Variants in GRID2IP observed in about 807,000 individuals in gnomAD.
GRID2IP encodes delphilin.
Under a neutral mutation model 114.3 loss-of-function variants are expected in GRID2IP, and 78 were observed. The ratio of observed to expected loss-of-function variants is 0.68; its 90% CI spans 0.57 to 0.82. The LOEUF is 0.82. Ranked by LOEUF, GRID2IP falls within the 40% of genes least tolerant of loss-of-function variation. The pLI is 0.00. For synonymous variants in GRID2IP, 809 were observed against 724.0 expected (o/e 1.12, Z -1.89); for missense variants, 1,727 against 1,678.5 (o/e 1.03, Z -0.51).
intron 21 of GRID2IP, 89 bp from the exon 22 acceptor site, chr7:6,497,934 T>G: frequency 7.1e-7 from 1 of 1,406,402 alleles, no homozygotes; most frequent in South Asian, 1.3e-5. Context: ...AGACAGCCCA[T>G]CAGGGGGTTA....
At chr7:6,501,305 C>A (rs6463569) in intron 20 of GRID2IP, among the ~76,000 whole-genome samples, 33,541 of 152,018 alleles carry the variant, frequency 0.22, 3,885 homozygotes, top group African/African-American at 0.29. Context: ...GAGCCAAGAT[C>A]GTGCAACTGC....
At position 6,521,244 on chromosome 7, in the gene GRID2IP, T is replaced by C. The variant is rs1216022503; in HGVS notation, c.1084+185A>G. ...CCTTGGCCTCCCAAAGTGCTGGGAT[T>C]CCAGGCATGAGCCACCATGCCCAGC... On this transcript the variant is annotated intron_variant, in intron 6 of 21. Transcript: ENST00000457091. The surrounding 1 kb of genome is among the most constrained non-coding windows in gnomAD (Gnocchi z 4.1). Among the ~76,000 whole-genome samples, 1 of 152,162 alleles carries C rather than the reference T, an allele frequency of 6.6e-6. No individual in the cohort carries two copies. Among genetic ancestry groups the C allele is most frequent in the Non-Finnish European group, 1.5e-5 (1 of 68,014 alleles).
In GRID2IP at chr7:6,521,847, C is replaced by A. The variant is rs1381998990; in HGVS notation, c.989+41G>T. 1.4e-6 allele frequency: 2 copies of A among 1,430,662 alleles called. No homozygotes were observed. The highest frequency in any genetic ancestry group is 1.9e-6 in the Non-Finnish European group (2 of 1,037,366). 88.6% of individuals were successfully genotyped at this position (1,430,662 alleles called of 1,614,324 possible). On this transcript the variant is annotated intron_variant, in intron 5 of 21. Transcript: ENST00000457091. The surrounding 1 kb of genome is among the most constrained non-coding windows in gnomAD (Gnocchi z 4.1). ...GCAGGAGTCTTGCAGGGGGTGGGGG[C>A]AGCTCCTCACCAACCCCTGGTGTCC... is the stretch of plus-strand genomic sequence containing the variant.
At chr7:6,550,165 A>AT (rs905214258) in intron 1 of GRID2IP, among the ~76,000 whole-genome samples, 31 of 150,396 alleles carry the variant, frequency 2.1e-4, no homozygotes, top group African/African-American at 7.1e-4. Context: ...CTAGTTTTTG[A>AT]TTTTTTTTGT....
intron 1 of GRID2IP, among the ~76,000 whole-genome samples, chr7:6,540,785 G>A (rs967197744): frequency 1.2e-4 from 18 of 148,388 alleles, no homozygotes; most frequent in African/African-American, 3.8e-4. Flanking sequence ...CCCACCTTGG[G>A]CTCCCAAAGT....
At position 6,505,797 on chromosome 7, in the gene GRID2IP, C is replaced by T. The variant is rs138078253; in HGVS notation, c.2632+23G>A. The T allele has an allele frequency of 2.5e-4, 380 of 1,514,212 alleles. 2 individuals are homozygous for T. The Middle Eastern group carries it at 8.3e-3, about 33-fold the overall frequency. 93.8% of individuals were successfully genotyped at this position (1,514,212 alleles called of 1,614,324 possible). On this transcript the variant is annotated intron_variant, in intron 14 of 21. Coordinates refer to ENST00000457091, the MANE Select transcript of GRID2IP (RefSeq NM_001145118.2). The stretch of plus-strand genomic sequence containing the variant: ...CAGATGGTGTGGTATCTGGGGTTCC[C>T]CCAAGGCCATCAGGCCACTCACTAG...
chr7:6,533,654 G>GC lies in GRID2IP; in HGVS notation c.584+6063dup, dbSNP rs1408571037. Among the ~76,000 whole-genome samples, 38 of 150,238 alleles carry GC rather than the reference G, an allele frequency of 2.5e-4. 1 individual carries two copies. In the East Asian group the frequency reaches 6.8e-3, roughly 27 times the overall value. ...GCTAGGATTACAGGCAGGCACCACT[G>GC]CCCCCAGCTCATTTTTAAACTTTTT... On this transcript the variant is annotated intron_variant, in intron 2 of 21. Coordinates refer to ENST00000457091, the MANE Select transcript of GRID2IP (RefSeq NM_001145118.2).
intron 7 of GRID2IP, among the ~76,000 whole-genome samples, chr7:6,515,120 T>C (rs1372943652): frequency 6.6e-6 from 1 of 151,994 alleles, no homozygotes; most frequent in East Asian, 1.9e-4. Flanking sequence ...ATTTGTAAAA[T>C]GGGGATAAAA....
intron 1 of GRID2IP, among the ~76,000 whole-genome samples, 186 bp from the exon 2 acceptor site, chr7:6,540,058 T>C (rs12114012): frequency 4.6e-5 from 7 of 151,332 alleles, no homozygotes; most frequent in Non-Finnish European, 8.8e-5. Context: ...TTCCTTCCTT[T>C]CTTCCTTCCT....
chr7:6,499,457 GTC>G (rs1253184729), intron 20 of GRID2IP, among the ~76,000 whole-genome samples: 1 of 152,200 alleles, frequency 6.6e-6, no homozygotes, highest in Non-Finnish European at 1.5e-5. Context: ...TTGAGACAGA[GTC>G]TCGCTCTGTT....
chr7:6,498,034 A>T (rs1442293637), intron 21 of GRID2IP, 30 bp downstream of exon 21: 8 of 1,511,536 alleles, frequency 5.3e-6, no homozygotes, highest in Non-Finnish European at 7.1e-6. Context: ...CCTCTCCAAA[A>T]GGGCCCCTCA....
intron 21 of GRID2IP, 53 bp from the exon 22 acceptor site, chr7:6,497,898 ACG>A: frequency 1.3e-6 from 2 of 1,482,610 alleles, no homozygotes; most frequent in Non-Finnish European, 1.8e-6. Flanking sequence ...GGAACCTGTG[ACG>A]CCTTCCCTGT....
intron 1 of GRID2IP, among the ~76,000 whole-genome samples, chr7:6,546,171 C>A (rs571902001): frequency 1.3e-5 from 2 of 151,842 alleles, no homozygotes; most frequent in African/African-American, 4.8e-5. Flanking sequence ...GATTGAAAAC[C>A]AACCAGTCTG....
Position 6,514,528 on chromosome 7 carries a change from TC to T in GRID2IP, c.1269del (p.Asn424ThrfsTer29). ...ACGTCAACGATGAGGGTGTCGATGT[TC>T]CTGGGGGAAGGTGCAGGAATGTGAG... ...CRALESFFQH[R>X]NIDTLIVDVY... On this transcript the variant is annotated frameshift_variant and splice_region_variant, in exon 8 of 22. Transcript: ENST00000457091. LOFTEE classifies it high-confidence loss of function. The T allele has an allele frequency of 6.6e-7, 1 of 1,516,968 alleles. No homozygotes were observed. Among genetic ancestry groups the T allele is most frequent in the Non-Finnish European group, 8.9e-7 (1 of 1,128,488 alleles). 94.0% of individuals were successfully genotyped at this position (1,516,968 alleles called of 1,614,324 possible).
chr7:6,539,634 G>T, intron 2 of GRID2IP, 84 bp downstream of exon 2: 2 of 1,294,444 alleles, frequency 1.5e-6, no homozygotes, highest in South Asian at 1.5e-5. Flanking sequence ...TGGGCTGGAA[G>T]GGGTGCCTGG....
intron 8 of GRID2IP, among the ~76,000 whole-genome samples, chr7:6,514,068 A>G (rs1036259462): frequency 6.6e-6 from 1 of 152,030 alleles, no homozygotes; most frequent in African/African-American, 2.4e-5. Context: ...CATGGTTAAC[A>G]TGGTGAAACC....
intron 2 of GRID2IP, among the ~76,000 whole-genome samples, chr7:6,538,521 C>G (rs546691123): frequency 6.7e-6 from 1 of 149,778 alleles, no homozygotes; most frequent in South Asian, 2.1e-4. Flanking sequence ...GAGCCAAGAT[C>G]ATGGCACTGC....
intron 2 of GRID2IP, among the ~76,000 whole-genome samples, chr7:6,531,707 G>C (rs921536418): frequency 1.1e-4 from 17 of 152,208 alleles, no homozygotes; most frequent in Non-Finnish European, 2.5e-4. Context: ...GGGAGGCTTT[G>C]AATGCCGTGG....
chr7:6,510,457 T>A (rs753832350), intron 10 of GRID2IP, 57 bp from the exon 11 acceptor site: 213 of 1,403,776 alleles, frequency 1.5e-4, no homozygotes, highest in Non-Finnish European at 2.7e-5. Flanking sequence ...AGCCCTAATG[T>A]GGTCCAGGCC....
Sources: gnomAD v4.1 joint callset for allele counts (sites outside exome capture counted in the v4.1 genomes callset) on GRCh38, gnomAD v4.1.1 for gene constraint, Gnocchi (gnomAD v3.1) non-coding constraint, MANE v1.5 for transcripts, NCBI Gene and HGNC (gene_info 2026-07-23, HGNC 2026-07-21) for gene names.